The following PTPRG variants were observed in gnomAD, a reference collection of about 807,000 sequenced individuals.
PTPRG encodes the protein receptor-type tyrosine-protein phosphatase gamma.
A neutral mutation model predicts 165.3 loss-of-function variants in PTPRG; 102 were observed. That is an observed-to-expected ratio of 0.62 (90% CI 0.53 to 0.73). The LOEUF (loss-of-function observed/expected upper bound fraction) is 0.73, where lower values mean the gene tolerates loss of function less well. Among genes scored for constraint, PTPRG ranks in the 30% least tolerant of loss-of-function variants. The pLI, the probability that PTPRG is intolerant of heterozygous loss-of-function variation, is 0.00. For missense variants in PTPRG, 1,866 were observed against 1,861.4 expected, an observed-to-expected ratio of 1.00 and a Z score of -0.05; for synonymous variants, 675 against 669.5, an observed-to-expected ratio of 1.01 and a Z score of -0.13.
At chr3:61,855,255 G>C (rs1262144170) in intron 2 of PTPRG, among the ~76,000 whole-genome samples, 2 of 152,286 alleles carry the variant, frequency 1.3e-5, no homozygotes, top group East Asian at 3.9e-4. Flanking sequence ...TCTTGTTCTA[G>C]ATTAGCCGCC....
At chr3:61,891,366 C>T (rs574522749) in intron 2 of PTPRG, among the ~76,000 whole-genome samples, 26 of 152,238 alleles carry the variant, frequency 1.7e-4, no homozygotes, top group Middle Eastern at 3.4e-3. Flanking sequence ...TCCTACCCTG[C>T]GTTTGATCCC....
At chr3:61,741,304 G>A (rs1173049598) in intron 1 of PTPRG, among the ~76,000 whole-genome samples, 1 of 152,168 alleles carries the variant, frequency 6.6e-6, no homozygotes, top group Non-Finnish European at 1.5e-5. Context: ...CAATGTGAGT[G>A]CCTGTTGCTT....
At chr3:62,177,771 G>T (rs59840171) in intron 8 of PTPRG, among the ~76,000 whole-genome samples, 25,115 of 151,944 alleles carry the variant, frequency 0.17, 2,887 homozygotes, top group East Asian at 0.35. Flanking sequence ...ATAACTCAGC[G>T]CAAGGGTCCC....
At chr3:62,034,802 G>A (rs547423438) in intron 4 of PTPRG, among the ~76,000 whole-genome samples, 5 of 152,322 alleles carry the variant, frequency 3.3e-5, no homozygotes, top group Admixed American at 6.5e-5. Flanking sequence ...TGAGTTTTCT[G>A]TATCTTTCTC....
chr3:61,959,293 C>T (rs575743842), intron 2 of PTPRG, among the ~76,000 whole-genome samples: 1 of 152,262 alleles, frequency 6.6e-6, no homozygotes, highest in East Asian at 1.9e-4. Context: ...GAGAGGCTCA[C>T]CTGATTTGGA....
chr3:62,086,666 G>C (rs192193748), intron 5 of PTPRG, among the ~76,000 whole-genome samples: 5 of 152,196 alleles, frequency 3.3e-5, no homozygotes, highest in Non-Finnish European at 7.4e-5. Context: ...AGAATGTTTT[G>C]GGTTGATTAA....
intron 2 of PTPRG, among the ~76,000 whole-genome samples, chr3:61,928,513 G>A (rs979039446): frequency 4.6e-5 from 7 of 152,022 alleles, no homozygotes; most frequent in African/African-American, 1.7e-4. Flanking sequence ...CATGAGGAGG[G>A]TATTTATTCA....
chr3:61,589,420 G>T (rs1700512382), intron 1 of PTPRG, among the ~76,000 whole-genome samples: 4 of 152,174 alleles, frequency 2.6e-5, no homozygotes, highest in African/African-American at 9.7e-5. Context: ...CCAAACCCAT[G>T]AGATACAAGG....
At chr3:62,108,384 T>G (rs1215128939) in intron 5 of PTPRG, among the ~76,000 whole-genome samples, 2 of 152,220 alleles carry the variant, frequency 1.3e-5, no homozygotes, top group Non-Finnish European at 2.9e-5. Flanking sequence ...TCATCCTTTT[T>G]AATGGCTGCA....
intron 2 of PTPRG, among the ~76,000 whole-genome samples, chr3:61,944,320 A>T (rs1404890836): frequency 3.3e-5 from 5 of 152,194 alleles, no homozygotes; most frequent in Admixed American, 6.5e-5. Flanking sequence ...TGTCCCTGTG[A>T]TCGGAGCGCA....
intron 1 of PTPRG, among the ~76,000 whole-genome samples, chr3:61,651,301 AT>A (rs1049380515): frequency 6.6e-6 from 1 of 152,130 alleles, no homozygotes. Context: ...AGGTAATCTT[AT>A]CCCTTTGGAT....
chr3:62,293,226 T>C lies in PTPRG; in HGVS notation c.4257T>C (p.Gly1419=). 6.2e-7 allele frequency: 1 copy of C among 1,611,766 alleles called. No homozygotes were observed. Among genetic ancestry groups the C allele is most frequent in the Non-Finnish European group, 8.5e-7 (1 of 1,179,066 alleles). The change falls in exon 30 of 30, where the codon GGT becomes GGC. Residue 1419 remains glycine (G), a synonymous_variant. Transcript: ENST00000474889. Reference sequence around the variant, plus strand: ...TCAGCACTAAAGAAAATGGAAATGGTCCCATGACAGTAGACAAAAATGGTG... The same window carrying C: ...TCAGCACTAAAGAAAATGGAAATGGCCCCATGACAGTAGACAAAAATGGTG... ...SLVSTKENGN[G]PMTVDKNGAV... is the part of the protein sequence containing the mutation.
intron 6 of PTPRG, among the ~76,000 whole-genome samples, chr3:62,155,700 A>T (rs1467478655): frequency 6.6e-6 from 1 of 152,162 alleles, no homozygotes; most frequent in East Asian, 1.9e-4. Flanking sequence ...AATATAGTTG[A>T]TTCTTGTTGG....
At chr3:61,562,426 C>T (rs1699781763) in intron 1 of PTPRG, 54 bp downstream of exon 1, 1 of 1,562,070 alleles carries the variant, frequency 6.4e-7, no homozygotes, top group African/African-American at 1.4e-5. Context: ...GTTGGGGATG[C>T]GGAGTTGTCG....
intron 2 of PTPRG, among the ~76,000 whole-genome samples, chr3:61,956,169 C>T (rs1470541879): frequency 2.0e-5 from 3 of 151,796 alleles, no homozygotes; most frequent in Admixed American, 6.6e-5. Context: ...ATGTGATTAT[C>T]CTCCAGAGAG....
At chr3:61,714,282 G>A (rs147534705) in intron 1 of PTPRG, among the ~76,000 whole-genome samples, 120 of 152,042 alleles carry the variant, frequency 7.9e-4, no homozygotes, top group African/African-American at 2.7e-3. Context: ...TTTCTAGGTG[G>A]GCCCATAGCT....
In PTPRG at chr3:62,036,970, TGCGC is replaced by T. The variant is rs1163540511; in HGVS notation, c.519+33480_519+33483del. ...TCCCTACCTCCCTCAGTGCTGCACG[TGCGC>T]GCGCGCACGCACACACACACACACA... On this transcript the variant is annotated intron_variant, in intron 4 of 29. Transcript: ENST00000474889. Among the ~76,000 whole-genome samples, 403 of 109,618 alleles carry T rather than the reference TGCGC, an allele frequency of 3.7e-3. 2 individuals are homozygous for T. Among genetic ancestry groups the T allele is most frequent in the African/African-American group, 0.013 (354 of 26,658 alleles). The allele number at this position is 109,618 out of a possible 152,430, so 71.9% of individuals were successfully genotyped here. A position where few individuals can be genotyped will look rare whatever the true frequency, so the allele number is the denominator to read the frequency against.
chr3:61,946,711 C>T (rs948415691), intron 2 of PTPRG, among the ~76,000 whole-genome samples: 7 of 152,254 alleles, frequency 4.6e-5, no homozygotes, highest in Admixed American at 2.6e-4. Context: ...CTTTCTGCAT[C>T]AGTGTGCTAT....
At chr3:61,716,464 G>T (rs1482335522) in intron 1 of PTPRG, among the ~76,000 whole-genome samples, 1 of 152,126 alleles carries the variant, frequency 6.6e-6, no homozygotes. Context: ...TAATATTTAA[G>T]TCAGGAACAC....
Sources: allele counts gnomAD v4.1 joint callset (sites outside exome capture counted in the v4.1 genomes callset), GRCh38; gene constraint gnomAD v4.1.1; transcripts MANE v1.5; gene names NCBI Gene and HGNC (gene_info 2026-07-23, HGNC 2026-07-21).